Variants in TIMM44 observed in about 807,000 individuals in gnomAD.
The protein encoded by TIMM44 is mitochondrial import inner membrane translocase subunit TIM44.
Under a neutral mutation model 63.8 loss-of-function variants are expected in TIMM44, and 37 were observed. The ratio of observed to expected loss-of-function variants is 0.58; its 90% confidence interval spans 0.45 to 0.76. The LOEUF (loss-of-function observed/expected upper bound fraction) is 0.76, where lower values mean the gene tolerates loss of function less well. Ranked by LOEUF, TIMM44 falls within the 30% of genes least tolerant of loss-of-function variation. The probability of loss-of-function intolerance (pLI) is 0.00; values close to 1 mark genes in which losing one functional copy is unlikely to be tolerated. For missense variants in TIMM44, 573 were observed against 603.8 expected, an observed-to-expected ratio of 0.95 and a Z score of 0.54; for synonymous variants, 239 against 245.1, an observed-to-expected ratio of 0.98 and a Z score of 0.23.
Position 7,934,464 on chromosome 19 carries a change from ACCCCCAGAGCCATGAGCACACCG to A in TIMM44, c.394-249_394-227del, listed in dbSNP as rs1364541770. Among the ~76,000 whole-genome samples, 6 of 132,996 alleles carry A rather than the reference ACCCCCAGAGCCATGAGCACACCG, an allele frequency of 4.5e-5. No homozygotes were observed. The highest frequency in any genetic ancestry group is 1.3e-4 in the African/African-American group (5 of 39,238). 87.3% of individuals were successfully genotyped at this position (132,996 alleles called of 152,430 possible). A position where few individuals can be genotyped will look rare whatever the true frequency, so the allele number is the denominator to read the frequency against. On this transcript the variant is annotated intron_variant, in intron 4 of 12. Transcript: ENST00000270538. This position sits in a 1 kb window ranked among gnomAD's most constrained non-coding sequence, Gnocchi z 5.3. Reference sequence around the variant, plus strand: ...CCCCCAGAGCCACGAGCACACCGGCACCCCCAGAGCCATGAGCACACCGGCACCCCCAGAGCCATGAGCACACC... The same window carrying A: ...CCCCCAGAGCCACGAGCACACCGGCAGCACCCCCAGAGCCATGAGCACACC...
chr19:7,936,263 C>T (rs1252738155), intron 3 of TIMM44, among the ~76,000 whole-genome samples: 1 of 152,050 alleles, frequency 6.6e-6, no homozygotes, highest in Non-Finnish European at 1.5e-5. Flanking sequence ...CCAGCCTGGC[C>T]AAAGTGATGA....
chr19:7,934,399 TGAGCACAACGGCACCCCCAGAGCCAC>T lies in TIMM44; in HGVS notation c.394-187_394-162del, dbSNP rs1444408079. Among the ~76,000 whole-genome samples, 256 of 150,014 alleles carry T rather than the reference TGAGCACAACGGCACCCCCAGAGCCAC, an allele frequency of 1.7e-3. 1 individual carries two copies. The highest frequency in any genetic ancestry group is 3.1e-3 in the African/African-American group (125 of 40,458). On this transcript the variant is annotated intron_variant, in intron 4 of 12. Coordinates refer to ENST00000270538, the MANE Select transcript of TIMM44 (RefSeq NM_006351.4). This position sits in a 1 kb window ranked among gnomAD's most constrained non-coding sequence, Gnocchi z 5.3. The stretch of plus-strand genomic sequence containing the variant: ...GTGGTACGCGGCACCCCCAGAGCCA[TGAGCACAACGGCACCCCCAGAGCCAC>T]GAGCACACCGCCACCCCCAGAGCCA...
Position 7,927,657 on chromosome 19 carries a change from C to T in TIMM44, c.1239G>A (p.Pro413=), listed in dbSNP as rs1983851861. ...NPKGEVVEGD[P]DKVLRMLYVW... ...TGCCCCATCCCACTCCCTCACTCAC[C>T]GGGTCACCCTCCACCACCTCGCCTT... The change falls in exon 12 of 13, where the codon CCG becomes CCA. Residue 413 remains proline (P), a splice_region_variant and synonymous_variant. Coordinates refer to ENST00000270538, the MANE Select transcript of TIMM44 (RefSeq NM_006351.4). 3.1e-6 allele frequency: 5 copies of T among 1,613,164 alleles called. No homozygotes were observed. Among genetic ancestry groups the T allele is most frequent in the Non-Finnish European group, 4.2e-6 (5 of 1,179,866 alleles).
chr19:7,939,835 C>T (rs971109673), intron 2 of TIMM44, among the ~76,000 whole-genome samples: 1 of 152,176 alleles, frequency 6.6e-6, no homozygotes, highest in Non-Finnish European at 1.5e-5. Context: ...ACTGCTTGAA[C>T]TCGGGAGGTG....
At position 7,927,784 on chromosome 19, in the gene TIMM44, A is replaced by AG; in HGVS notation, c.1129-18dup. 30 of 1,606,436 alleles carry AG rather than the reference A, an allele frequency of 1.9e-5. No individual in the cohort carries two copies. The highest frequency in any genetic ancestry group is 2.4e-5 in the Non-Finnish European group (28 of 1,178,344). On this transcript the variant is annotated splice_polypyrimidine_tract_variant and intron_variant, in intron 11 of 12. Transcript: ENST00000270538. ...CATGGCCAGCTGCAGAGGGGCCGAG[A>AG]GGGGGGATGTGCCTCAGAGGACAGC...
chr19:7,927,670 A>G lies in TIMM44; in HGVS notation c.1226T>C (p.Val409Ala). The G allele has an allele frequency of 6.2e-7, 1 of 1,613,282 alleles. No individual in the cohort carries two copies. Among genetic ancestry groups the G allele is most frequent in the South Asian group, 1.1e-5 (1 of 91,068 alleles). ...MVVRNPKGEV[V>A]EGDPDKVLRM... ...TCCCTCACTCACCGGGTCACCCTCC[A>G]CCACCTCGCCTTTGGGGTTCCTGAC... The change falls in exon 12 of 13, where the codon GTG becomes GCG. Residue 409 changes from valine (V) to alanine (A), a missense_variant. Transcript: ENST00000270538.
At chr19:7,935,266 A>G in intron 3 of TIMM44, 121 bp from the exon 4 acceptor site, 1 of 916,772 alleles carries the variant, frequency 1.1e-6, no homozygotes, top group Non-Finnish European at 1.7e-6. Flanking sequence ...GCCAGATTCA[A>G]GCGATTTTCC....
chr19:7,931,122 G>T lies in TIMM44; in HGVS notation c.1038+16C>A. The T allele has an allele frequency of 6.2e-7, 1 of 1,600,854 alleles. No homozygotes were observed. The highest frequency in any genetic ancestry group is 8.5e-7 in the Non-Finnish European group (1 of 1,172,752). On this transcript the variant is annotated intron_variant, in intron 10 of 12. Transcript: ENST00000270538. ...GGCCTTAAAAAAAAAAAAAGAAAAA[G>T]AAAGGAAGTACTCACAGCTTCATAG...
At chr19:7,938,700 A>C (rs1984222928) in intron 2 of TIMM44, among the ~76,000 whole-genome samples, 1 of 152,186 alleles carries the variant, frequency 6.6e-6, no homozygotes, top group South Asian at 2.1e-4. Flanking sequence ...CCAGCTCCTC[A>C]GAAGGCTGAG....
chr19:7,942,998 C>G (rs1287551994), intron 1 of TIMM44, among the ~76,000 whole-genome samples: 1 of 147,218 alleles, frequency 6.8e-6, no homozygotes, highest in African/African-American at 2.5e-5. Flanking sequence ...CGAGATCGCG[C>G]CATTGCACTC....
chr19:7,940,186 T>C (rs548664966), intron 2 of TIMM44, among the ~76,000 whole-genome samples: 1 of 151,008 alleles, frequency 6.6e-6, no homozygotes, highest in African/African-American at 2.4e-5. Flanking sequence ...TGAGCCGTGA[T>C]AGTGCCACTG....
chr19:7,927,948 T>C (rs1417544460), intron 11 of TIMM44, 129 bp downstream of exon 11: 16 of 1,144,502 alleles, frequency 1.4e-5, no homozygotes, highest in Admixed American at 2.0e-5. Flanking sequence ...ACCCTCCCCT[T>C]GGACAAGCCC....
chr19:7,927,070 G>A lies in TIMM44; in HGVS notation c.*117C>T, dbSNP rs1983828120. The A allele has an allele frequency of 6.9e-7, 1 of 1,445,276 alleles. No individual in the cohort carries two copies. The allele number at this position is 1,445,276 out of a possible 1,614,324, so 89.5% of individuals were successfully genotyped here. On this transcript the variant is annotated 3_prime_UTR_variant, in exon 13 of 13. Coordinates refer to ENST00000270538, the MANE Select transcript of TIMM44 (RefSeq NM_006351.4). ...AGCTGGTCTTGCAGCCGTCCTGGCA[G>A]AGCTGGGGGCAGAGCCCGCAGTCTT...
intron 10 of TIMM44, among the ~76,000 whole-genome samples, chr19:7,929,917 C>T (rs34013452): frequency 0.22 from 34,143 of 152,024 alleles, 4,246 homozygotes; most frequent in Non-Finnish European, 0.29. Context: ...GGTGCAATCT[C>T]GGCTCACTGC....
At position 7,943,548 on chromosome 19, in the gene TIMM44, G is replaced by C; in HGVS notation, c.45+59C>G. On this transcript the variant is annotated intron_variant, in intron 1 of 12. Transcript: ENST00000270538. This position sits in a 1 kb window ranked among gnomAD's most constrained non-coding sequence, Gnocchi z 4.3. ...CCAAGGGTCTGAGAAGAAAGCCTTG[G>C]TGGCCGAAGGCCCAGAAGACCCCTA... The C allele has an allele frequency of 6.5e-7, 1 of 1,542,484 alleles. No homozygotes were observed. Among genetic ancestry groups the C allele is most frequent in the Non-Finnish European group, 8.7e-7 (1 of 1,146,622 alleles).
At chr19:7,930,851 C>T (rs1017450315) in intron 10 of TIMM44, among the ~76,000 whole-genome samples, 1 of 152,220 alleles carries the variant, frequency 6.6e-6, no homozygotes, top group Non-Finnish European at 1.5e-5. Context: ...CTCTTAGACA[C>T]CAGCCCAGAG....
chr19:7,932,819 G>T (rs199771603), intron 8 of TIMM44, 21 bp downstream of exon 8: 1 of 1,614,144 alleles, frequency 6.2e-7, no homozygotes, highest in Admixed American at 1.7e-5. Context: ...AGCCTGCGAG[G>T]TCCAGGGATG....
Position 7,933,603 on chromosome 19 carries a change from C to G in TIMM44, c.684-33G>C. 6.3e-7 allele frequency: 1 copy of G among 1,589,580 alleles called. No homozygotes were observed. Among genetic ancestry groups the G allele is most frequent in the Non-Finnish European group, 8.6e-7 (1 of 1,157,980 alleles). Reference sequence around the variant, plus strand: ...AGAGGGTGGGCCCTGGGGTGAGCGGCGGCGCCAGGGCCACCCTGTGCCCTC... The same window carrying G: ...AGAGGGTGGGCCCTGGGGTGAGCGGGGGCGCCAGGGCCACCCTGTGCCCTC... On this transcript the variant is annotated intron_variant, in intron 6 of 12. Transcript: ENST00000270538. This position sits in a 1 kb window ranked among gnomAD's most constrained non-coding sequence, Gnocchi z 4.3.
chr19:7,927,442 C>T (rs1599645048), intron 12 of TIMM44, 136 bp from the exon 13 acceptor site: 14 of 1,187,746 alleles, frequency 1.2e-5, no homozygotes, highest in East Asian at 4.7e-5. Flanking sequence ...AGCACAATTG[C>T]CTAGACTCAG....
Sources: allele counts gnomAD v4.1 joint callset (sites outside exome capture counted in the v4.1 genomes callset), GRCh38; gene constraint gnomAD v4.1.1; non-coding constraint Gnocchi (gnomAD v3.1); transcripts MANE v1.5; gene names NCBI Gene and HGNC (gene_info 2026-07-23, HGNC 2026-07-21).